MUC17: variants seen among roughly 807,000 people sequenced by gnomAD.
The protein encoded by MUC17 is mucin 17, cell surface associated, also known as mucin-17.
MUC17 carries 190 observed loss-of-function variants against 170.3 expected under a neutral mutation model. The ratio of observed to expected loss-of-function variants is 1.12; its 90% CI spans 0.99 to 1.26. MUC17 has a LOEUF of 1.26. Ranked by LOEUF, MUC17 falls within the 50% of genes most tolerant of loss-of-function variation. The probability of loss-of-function intolerance (pLI) is 0.00; values close to 1 mark genes in which losing one functional copy is unlikely to be tolerated. For missense variants in MUC17, 6,415 were observed against 5,530.0 expected, an observed-to-expected ratio of 1.16 and a Z score of -5.08; for synonymous variants, 2,325 against 2,002.5, an observed-to-expected ratio of 1.16 and a Z score of -4.30.
At chr7:101,029,552 G>T (rs923477804) in intron 1 of MUC17, among the ~76,000 whole-genome samples, 3 of 151,932 alleles carry the variant, frequency 2.0e-5, no homozygotes, top group African/African-American at 7.3e-5. Context: ...ATTTTACCTT[G>T]TTGGGTGCTG....
At chr7:101,029,528 GC>G (rs1794239974) in intron 1 of MUC17, among the ~76,000 whole-genome samples, 1 of 152,010 alleles carries the variant, frequency 6.6e-6, no homozygotes, top group Non-Finnish European at 1.5e-5. Flanking sequence ...AATGATTCAT[GC>G]CAGATGTTGT....
chr7:101,020,250 G>A, intron 1 of MUC17, 33 bp downstream of exon 1: 1 of 1,572,968 alleles, frequency 6.4e-7, no homozygotes. Flanking sequence ...TGCCCAAGAG[G>A]CCCCCATCCC....
Position 101,041,340 on chromosome 7 carries a change from C to T in MUC17, c.9924C>T (p.Thr3308=). The T allele has an allele frequency of 6.2e-7, 1 of 1,611,302 alleles. No homozygotes were observed. Among genetic ancestry groups the T allele is most frequent in the South Asian group, 1.1e-5 (1 of 90,864 alleles). ...CCCTTTCAACAACTCCTGCTGACACCAGCACACCTGTGACCACTTATTCTC... is the reference window on the plus strand; with the variant it reads ...CCCTTTCAACAACTCCTGCTGACACTAGCACACCTGTGACCACTTATTCTC... ...TSTLSTTPAD[T]STPVTTYSQA... is the part of the protein sequence containing the mutation. Residue 3308 remains threonine (T), a synonymous_variant, in exon 3 of 13, where the codon ACC becomes ACT. Transcript: ENST00000306151.
intron 1 of MUC17, among the ~76,000 whole-genome samples, chr7:101,020,458 C>T (rs990770537): frequency 2.0e-5 from 3 of 152,146 alleles, no homozygotes; most frequent in African/African-American, 7.2e-5. Flanking sequence ...TTTCCCCTTC[C>T]GAGCCTCAGT....
chr7:101,051,838 T>C lies in MUC17; in HGVS notation c.12979T>C (p.Tyr4327His). 1 of 1,614,160 alleles carries C rather than the reference T, an allele frequency of 6.2e-7. No individual in the cohort carries two copies. Among genetic ancestry groups the C allele is most frequent in the Non-Finnish European group, 8.5e-7 (1 of 1,180,006 alleles). ...CRKMAKEYGDYFVVEYRDQKP... is the reference protein window; with the variant it reads ...CRKMAKEYGDHFVVEYRDQKP... ...GAAGATGGCCAAGGAATATGGAGAC[T>C]ACTTCGTAGTGGAGTACCGGGACCA... The change falls in exon 9 of 13, where the codon TAC becomes CAC. Residue 4327 changes from tyrosine (Y) to histidine (H), a missense_variant. Tyr to His is a moderately conservative substitution (Grantham distance 83, BLOSUM62 2). Transcript: ENST00000306151.
At position 101,038,131 on chromosome 7, in the gene MUC17, A is replaced by C. The variant is rs751056321; in HGVS notation, c.6715A>C (p.Thr2239Pro). The C allele has an allele frequency of 1.2e-6, 2 of 1,608,160 alleles. No homozygotes were observed. Among genetic ancestry groups the C allele is most frequent in the Non-Finnish European group, 1.7e-6 (2 of 1,177,510 alleles). ...GCCGGTAGTTACTTCTGAGGCTAGC[A>C]CCCTTTCAGCAACTCCTGTTGACAC... ...TMPVVTSEAS[T>P]LSATPVDTST... The change falls in exon 3 of 13, where the codon ACC becomes CCC. Residue 2239 changes from threonine (T) to proline (P), a missense_variant. By Grantham distance (38) the Thr-to-Pro change is conservative. Coordinates refer to ENST00000306151, the MANE Select transcript of MUC17 (RefSeq NM_001040105.2).
In MUC17 at chr7:101,053,368, A is replaced by T. The variant is rs1432434669; in HGVS notation, c.13295A>T (p.Lys4432Met). 6.2e-7 allele frequency: 1 copy of T among 1,614,122 alleles called. No homozygotes were observed. The highest frequency in any genetic ancestry group is 2.2e-5 in the East Asian group (1 of 44,888). Residue 4432 changes from lysine to methionine, a missense_variant, in exon 11 of 13, where the codon AAG becomes ATG. Transcript: ENST00000306151. ...RQKYRLSQLY[K>M]WQEEDSGPAP... ...AAGTACAGATTGTCTCAGTTATACA[A>T]GTGGCAAGAAGAGGACAGTGGACCA...
chr7:101,045,841 C>T (rs908795416), intron 3 of MUC17, among the ~76,000 whole-genome samples: 16 of 152,204 alleles, frequency 1.1e-4, no homozygotes, highest in African/African-American at 2.9e-4. Flanking sequence ...AGGTGTCTCA[C>T]GACAAAGGCC....
At chr7:101,056,102 G>A (rs923857579) in intron 11 of MUC17, 92 bp from the exon 12 acceptor site, 56 of 1,569,678 alleles carry the variant, frequency 3.6e-5, no homozygotes, top group African/African-American at 1.8e-4. Context: ...GAGAAAAACT[G>A]TCTCATCCTC....
intron 3 of MUC17, among the ~76,000 whole-genome samples, chr7:101,045,852 A>G (rs1385796725): frequency 6.6e-6 from 1 of 152,258 alleles, no homozygotes; most frequent in East Asian, 1.9e-4. Context: ...GACAAAGGCC[A>G]GGTGGCTGCA....
In MUC17 at chr7:101,053,065, G is replaced by A. The variant is rs560551712; in HGVS notation, c.13183G>A (p.Val4395Met). The change falls in exon 10 of 13, where the codon GTG becomes ATG. Residue 4395 changes from valine to methionine, a missense_variant. Coordinates refer to ENST00000306151, the MANE Select transcript of MUC17 (RefSeq NM_001040105.2). ...GTQKSLVYGL[V>M]GAGVVLMLII... ...CCAGAAGAGTCTGGTGTACGGCCTC[G>A]TGGGGGCAGGGGTCGTGCTGATGCT... 27 of 1,614,130 alleles carry A rather than the reference G, an allele frequency of 1.7e-5. No individual in the cohort carries two copies. Among genetic ancestry groups the A allele is most frequent in the South Asian group, 1.6e-4 (15 of 91,084 alleles).
chr7:101,041,885 C>A lies in MUC17; in HGVS notation c.10469C>A (p.Thr3490Asn). Residue 3490 changes from threonine (T) to asparagine (N), a missense_variant, in exon 3 of 13, where the codon ACC (threonine) becomes AAC (asparagine). Physicochemically the swap from Thr to Asn is moderately conservative, Grantham distance 65. Coordinates refer to ENST00000306151, the MANE Select transcript of MUC17 (RefSeq NM_001040105.2). Reference sequence around the variant, plus strand: ...CCTGTTGACACCAGCACACCTGTGACCACTTCTTCTCCAACCAATTCATCT... The same window carrying A: ...CCTGTTGACACCAGCACACCTGTGAACACTTCTTCTCCAACCAATTCATCT... ...TTPVDTSTPV[T>N]TSSPTNSSPT... 1 of 1,613,842 alleles carries A rather than the reference C, an allele frequency of 6.2e-7. No homozygotes were observed. The highest frequency in any genetic ancestry group is 2.2e-5 in the East Asian group (1 of 44,844).
chr7:101,049,018 G>C, intron 5 of MUC17, 46 bp downstream of exon 5: 2 of 1,613,258 alleles, frequency 1.2e-6, no homozygotes, highest in South Asian at 2.2e-5. Flanking sequence ...GTTCCCCCCA[G>C]AGCAGAGTCT....
chr7:101,049,115 G>A (rs923872871), intron 5 of MUC17, 143 bp downstream of exon 5: 1 of 1,436,582 alleles, frequency 7.0e-7, no homozygotes, highest in Non-Finnish European at 9.6e-7. Flanking sequence ...GCTTGCCAGT[G>A]CAGGAGGGAA....
In MUC17 at chr7:101,040,267, A is replaced by G. The variant is rs1457196072; in HGVS notation, c.8851A>G (p.Thr2951Ala). 4 of 1,609,292 alleles carry G rather than the reference A, an allele frequency of 2.5e-6. No homozygotes were observed. The highest frequency in any genetic ancestry group is 3.4e-6 in the Non-Finnish European group (4 of 1,177,990). Residue 2951 changes from threonine (T) to alanine (A), a missense_variant, in exon 3 of 13, where the codon ACT (threonine) becomes GCT (alanine). Physicochemically the swap from Thr to Ala is moderately conservative, Grantham distance 58. Transcript: ENST00000306151. ...TTCTGAGGCTAGCACCCTTTCAACA[A>G]CTCCTGTTGACACCAGGACACCTGT... ...AGSEASTLST[T>A]PVDTRTPVTT...
Position 101,036,695 on chromosome 7 carries a change from C to A in MUC17, c.5279C>A (p.Pro1760Gln). The change falls in exon 3 of 13, where the codon CCG becomes CAG. Residue 1760 changes from proline to glutamine, a missense_variant. Transcript: ENST00000306151. ...ACAAGTATACCTGTCAGCACCACGC[C>A]GGTACTCAGTTCTGAGGCTAGCACC... The part of the protein sequence containing the change: ...PLTSIPVSTT[P>Q]VLSSEASTLS... The A allele has an allele frequency of 6.2e-7, 1 of 1,612,840 alleles. No homozygotes were observed. The highest frequency in any genetic ancestry group is 8.5e-7 in the Non-Finnish European group (1 of 1,179,628).
At chr7:101,020,259 C>A in intron 1 of MUC17, 42 bp downstream of exon 1, 1 of 1,530,252 alleles carries the variant, frequency 6.5e-7, no homozygotes, top group Non-Finnish European at 8.9e-7. Context: ...GGCCCCCATC[C>A]CAGGGGCCAG....
Position 101,033,127 on chromosome 7 carries a change from C to T in MUC17, c.1711C>T (p.Pro571Ser). Residue 571 changes from proline (P) to serine (S), a missense_variant, in exon 3 of 13, where the codon CCA becomes TCA. Physicochemically the swap from Pro to Ser is moderately conservative, Grantham distance 74. Coordinates refer to ENST00000306151, the MANE Select transcript of MUC17 (RefSeq NM_001040105.2). ...CTCAACTCCTAGTGAAGGAAGCACTCCATTAACAAACATGCCTGTCAGCAC... is the reference window on the plus strand; with the variant it reads ...CTCAACTCCTAGTGAAGGAAGCACTTCATTAACAAACATGCCTGTCAGCAC... ...PTSTPSEGST[P>S]LTNMPVSTRL... 6.2e-7 allele frequency: 1 copy of T among 1,611,372 alleles called. No homozygotes were observed. Among genetic ancestry groups the T allele is most frequent in the East Asian group, 2.2e-5 (1 of 44,778 alleles).
rs139132060 is a variant in MUC17 at position 101,041,645 on chromosome 7, C to T, written c.10229C>T (p.Pro3410Leu). The change falls in exon 3 of 13, where the codon CCG (proline) becomes CTG (leucine). Residue 3410 changes from proline to leucine, a missense_variant. Pro to Leu is a moderately conservative substitution (Grantham distance 98, BLOSUM62 -3). Coordinates refer to ENST00000306151, the MANE Select transcript of MUC17 (RefSeq NM_001040105.2). ...GCAAGTATGCCTGTCAGCACCACGC[C>T]GGTGGTCAGTTCTGAGGTTAACACC... is the stretch of plus-strand genomic sequence containing the variant. ...PLASMPVSTT[P>L]VVSSEVNTLS... is the part of the protein sequence containing the mutation. 2.3e-3 allele frequency: 3,792 copies of T among 1,613,986 alleles called. 10 individuals carry two copies. The highest frequency in any genetic ancestry group is 5.4e-3 in the Middle Eastern group (33 of 6,062).
Sources: allele counts gnomAD v4.1 joint callset (sites outside exome capture counted in the v4.1 genomes callset), GRCh38; gene constraint gnomAD v4.1.1; transcripts MANE v1.5; gene names NCBI Gene and HGNC (gene_info 2026-07-23, HGNC 2026-07-21).